CYP3A7: variants seen among roughly 807,000 people sequenced by gnomAD.
CYP3A7 encodes the protein cytochrome P450 3A7.
CYP3A7 carries 45 observed loss-of-function variants against 55.2 expected under a neutral mutation model. The observed-to-expected ratio is 0.82, with a 90% CI of 0.64 to 1.05. The LOEUF is 1.05. Ranked by LOEUF, CYP3A7 falls within the 50% of genes least tolerant of loss-of-function variation. CYP3A7 has a pLI of 0.00. For synonymous variants in CYP3A7, 180 were observed against 207.4 expected, an observed-to-expected ratio of 0.87 and a Z score of 1.13; for missense variants, 548 against 605.3, an observed-to-expected ratio of 0.91 and a Z score of 0.99.
In CYP3A7 at chr7:99,713,438, C is replaced by A. The variant is rs745902810; in HGVS notation, c.865+31G>T. 36 of 1,612,630 alleles carry A rather than the reference C, an allele frequency of 2.2e-5. No individual in the cohort carries two copies. The South Asian group carries it at 4.0e-4, about 18-fold the overall frequency. ...CAAAACCTTCCCTCTGAGTGCCCCA[C>A]CAGTAGCCCTCAGAAGCACTCTTTT... On this transcript the variant is annotated intron_variant, in intron 9 of 12. Coordinates refer to ENST00000336374, the MANE Select transcript of CYP3A7 (RefSeq NM_000765.5).
Position 99,715,823 on chromosome 7 carries a change from G to T in CYP3A7, c.605C>A (p.Pro202His). Residue 202 changes from proline (P) to histidine (H), a missense_variant, in exon 7 of 13, where the codon CCC (proline) becomes CAC (histidine). Transcript: ENST00000336374. ...AAGCTTCTTGGTGTTTTCCACAAAG[G>T]GGTCTTGTGGATTGTTGAGAGAGTC... Reference protein sequence around the residue: ...SIDSLNNPQDPFVENTKKLLR... With the variant: ...SIDSLNNPQDHFVENTKKLLR... 9 of 1,613,872 alleles carry T rather than the reference G, an allele frequency of 5.6e-6. No homozygotes were observed. Among genetic ancestry groups the T allele is most frequent in the Non-Finnish European group, 6.8e-6 (8 of 1,179,842 alleles).
chr7:99,709,054 C>G lies in CYP3A7; in HGVS notation c.1234G>C (p.Glu412Gln), dbSNP rs561222974. Reference protein sequence around the residue: ...HHDPKYWTEPEKFLPERFSKK... With the variant: ...HHDPKYWTEPQKFLPERFSKK... ...TCCTACCTTTCAGGGAGGAACTTCT[C>G]AGGCTCTGTCCAGTACTTTGGGTCA... Residue 412 changes from glutamate to glutamine, a missense_variant, in exon 11 of 13, where the codon GAG becomes CAG. Coordinates refer to ENST00000336374, the MANE Select transcript of CYP3A7 (RefSeq NM_000765.5). The G allele has an allele frequency of 6.2e-7, 1 of 1,613,998 alleles. No individual in the cohort carries two copies. The highest frequency in any genetic ancestry group is 2.2e-5 in the East Asian group (1 of 44,872).
At chr7:99,714,439 A>G in intron 8 of CYP3A7, 116 bp downstream of exon 8, 1 of 1,493,660 alleles carries the variant, frequency 6.7e-7, no homozygotes, top group Non-Finnish European at 9.0e-7. Context: ...AAACATAAGT[A>G]CTCTTTATGT....
intron 2 of CYP3A7, among the ~76,000 whole-genome samples, chr7:99,725,720 C>T (rs1385992498): frequency 2.0e-5 from 3 of 152,204 alleles, no homozygotes; most frequent in African/African-American, 7.2e-5. Flanking sequence ...CCCAGATCTC[C>T]TTGGCTTAGT....
chr7:99,709,476 T>A (rs1361871951), intron 10 of CYP3A7, among the ~76,000 whole-genome samples: 1 of 152,148 alleles, frequency 6.6e-6, no homozygotes, highest in Non-Finnish European at 1.5e-5. Context: ...GCAGGAGACA[T>A]TCGGGAAGGC....
In CYP3A7 at chr7:99,714,540, A is replaced by G. The variant is rs758637496; in HGVS notation, c.798+15T>C. On this transcript the variant is annotated intron_variant, in intron 8 of 12. Transcript: ENST00000336374. ...GAAAACTAAACATCCTCCTATAACT[A>G]CCACCACGTTTTACCTTTTGTGTCT... is the stretch of plus-strand genomic sequence containing the variant. The G allele has an allele frequency of 1.2e-5, 19 of 1,611,876 alleles. No individual in the cohort carries two copies. The East Asian group carries it at 4.2e-4, about 36-fold the overall frequency.
chr7:99,712,495 G>A (rs1180161618), intron 9 of CYP3A7, among the ~76,000 whole-genome samples: 1 of 152,196 alleles, frequency 6.6e-6, no homozygotes, highest in Non-Finnish European at 1.5e-5. Context: ...CTAGCCACAT[G>A]TGCAGTGCTC....
chr7:99,715,690 A>G, intron 7 of CYP3A7, 68 bp downstream of exon 7: 1 of 1,610,130 alleles, frequency 6.2e-7, no homozygotes, highest in Non-Finnish European at 8.5e-7. Flanking sequence ...TTACATGGTG[A>G]TTTACATCTC....
chr7:99,709,837 T>C (rs746268571), intron 10 of CYP3A7, among the ~76,000 whole-genome samples: 6 of 152,126 alleles, frequency 3.9e-5, no homozygotes, highest in Non-Finnish European at 8.8e-5. Context: ...TTTTGTTATA[T>C]ACATAAAATG....
chr7:99,714,623 T>G lies in CYP3A7; in HGVS notation c.730A>C (p.Lys244Gln), dbSNP rs375465983. ...GATTTTGTTAGAAAACTTATAACTTTTCTTGGAAACACAGTGATATTTAAT... is the reference window on the plus strand; with the variant it reads ...GATTTTGTTAGAAAACTTATAACTTGTCTTGGAAACACAGTGATATTTAAT... The part of the protein sequence containing the change: ...EALNITVFPR[K>Q]VISFLTKSVK... The change falls in exon 8 of 13, where the codon AAA becomes CAA. Residue 244 changes from lysine to glutamine, a missense_variant. Transcript: ENST00000336374. 1.2e-6 allele frequency: 2 copies of G among 1,613,324 alleles called. No homozygotes were observed. The highest frequency in any genetic ancestry group is 2.7e-5 in the African/African-American group (2 of 74,884).
intron 7 of CYP3A7, chr7:99,715,338 T>G (rs1390711292): frequency 4.8e-6 from 1 of 206,792 alleles, no homozygotes; most frequent in East Asian, 1.2e-4. Context: ...TAATCTACAT[T>G]CATGCCACAA....
chr7:99,716,889 A>G (rs951972985), intron 6 of CYP3A7, among the ~76,000 whole-genome samples: 1 of 152,172 alleles, frequency 6.6e-6, no homozygotes, highest in Non-Finnish European at 1.5e-5. Flanking sequence ...ATACAATCAC[A>G]CTTTTCCCCC....
chr7:99,706,748 T>G (rs1813536783), intron 12 of CYP3A7, among the ~76,000 whole-genome samples: 1 of 152,274 alleles, frequency 6.6e-6, no homozygotes. Context: ...GAATGTCATT[T>G]GCTAAATGTT....
chr7:99,719,260 T>C (rs1035309428), intron 4 of CYP3A7, among the ~76,000 whole-genome samples: 2 of 152,198 alleles, frequency 1.3e-5, no homozygotes, highest in Non-Finnish European at 2.9e-5. Flanking sequence ...AGAGTTACTG[T>C]ACAGGTATTA....
At chr7:99,709,333 T>C in intron 10 of CYP3A7, 72 bp from the exon 11 acceptor site, 2 of 1,560,686 alleles carry the variant, frequency 1.3e-6, no homozygotes, top group Non-Finnish European at 1.7e-6. Flanking sequence ...CATGTAGTAC[T>C]GTTGAACTGT....
At chr7:99,715,672 T>C in intron 7 of CYP3A7, 86 bp downstream of exon 7, 1 of 1,600,228 alleles carries the variant, frequency 6.2e-7, no homozygotes, top group Non-Finnish European at 8.6e-7. Flanking sequence ...ACATTTTAAG[T>C]GGATGAATTA....
intron 4 of CYP3A7, 84 bp from the exon 5 acceptor site, chr7:99,717,723 T>C: frequency 6.7e-7 from 1 of 1,496,968 alleles, no homozygotes; most frequent in South Asian, 1.2e-5. Flanking sequence ...ACAGGCATCA[T>C]GTATTTAACA....
At chr7:99,717,468 C>A in intron 5 of CYP3A7, 58 bp downstream of exon 5, 1 of 1,604,746 alleles carries the variant, frequency 6.2e-7, no homozygotes, top group Non-Finnish European at 8.5e-7. Flanking sequence ...TACTTTCTAC[C>A]TGTCCCCACC....
chr7:99,714,304 T>G (rs188433664), intron 8 of CYP3A7, among the ~76,000 whole-genome samples: 8 of 152,296 alleles, frequency 5.3e-5, no homozygotes, highest in African/African-American at 1.7e-4. Flanking sequence ...TGAATAATAT[T>G]TATGTCATGG....
Sources: gnomAD v4.1 joint callset for allele counts (sites outside exome capture counted in the v4.1 genomes callset) on GRCh38, gnomAD v4.1.1 for gene constraint, MANE v1.5 for transcripts, NCBI Gene and HGNC (gene_info 2026-07-23, HGNC 2026-07-21) for gene names.